TNNI3K: variants seen among roughly 807,000 people sequenced by gnomAD.
TNNI3K encodes TNNI3 interacting kinase.
In TNNI3K, 140 loss-of-function variants were observed where a neutral mutation model predicts 114.5. The ratio of observed to expected loss-of-function variants is 1.22; its 90% confidence interval spans 1.07 to 1.41. The LOEUF is 1.41. Ranked by LOEUF, TNNI3K falls within the 40% of genes most tolerant of loss-of-function variation. The pLI, the probability that TNNI3K is intolerant of heterozygous loss-of-function variation, is 0.00. For missense variants in TNNI3K, 1,125 were observed against 1,007.6 expected (o/e 1.12, Z -1.58); for synonymous variants, 347 against 347.5 (o/e 1.00, Z 0.02).
At chr1:74,504,275 A>G (rs536760609) in intron 23 of TNNI3K, among the ~76,000 whole-genome samples, 38 of 152,318 alleles carry the variant, frequency 2.5e-4, no homozygotes, top group Admixed American at 5.9e-4. Context: ...GATGTGGACT[A>G]AAGTAACCAT....
chr1:74,412,029 A>G (rs1236524850), intron 17 of TNNI3K, among the ~76,000 whole-genome samples: 1 of 152,200 alleles, frequency 6.6e-6, no homozygotes, highest in Non-Finnish European at 1.5e-5. Flanking sequence ...GCAATAAAGA[A>G]TCCTTCTTTA....
At position 74,464,994 on chromosome 1, in the gene TNNI3K, C is replaced by A. The variant is rs141313651; in HGVS notation, c.2121+1444C>A. Reference sequence around the variant, plus strand: ...CCAGAAAATTTCATCTTGAAAATTACATCACATAAAATAGTTTAGGAAAAC... The same window carrying A: ...CCAGAAAATTTCATCTTGAAAATTAAATCACATAAAATAGTTTAGGAAAAC... On this transcript the variant is annotated intron_variant, in intron 21 of 24. Coordinates refer to ENST00000326637, the MANE Select transcript of TNNI3K (RefSeq NM_015978.3). The A allele has an allele frequency of 1.5e-3, 1,742 of 1,191,642 alleles. 3 individuals carry two copies. Among genetic ancestry groups the A allele is most frequent in the Middle Eastern group, 3.7e-3 (11 of 2,976 alleles). The allele number at this position is 1,191,642 out of a possible 1,614,324, so 73.8% of individuals were successfully genotyped here. A position where few individuals can be genotyped will look rare whatever the true frequency, so the allele number is the denominator to read the frequency against.
chr1:74,413,733 G>A (rs1664993228), intron 17 of TNNI3K, among the ~76,000 whole-genome samples: 2 of 152,120 alleles, frequency 1.3e-5, no homozygotes, highest in African/African-American at 2.4e-5. Context: ...GTGTTTTAGT[G>A]TGCATCCAAA....
At chr1:74,466,422 G>A (rs1667683613) in intron 21 of TNNI3K, among the ~76,000 whole-genome samples, 1 of 152,132 alleles carries the variant, frequency 6.6e-6, no homozygotes, top group Non-Finnish European at 1.5e-5. Flanking sequence ...CAAGCAAAGA[G>A]TTGGGAAATG....
At chr1:74,283,720 C>G (rs1657152266) in intron 5 of TNNI3K, among the ~76,000 whole-genome samples, 2 of 152,126 alleles carry the variant, frequency 1.3e-5, no homozygotes, top group Non-Finnish European at 2.9e-5. Context: ...GTCAATCTTT[C>G]TATGCACTGA....
At chr1:74,297,659 A>G (rs1444555587) in intron 5 of TNNI3K, among the ~76,000 whole-genome samples, 2 of 152,106 alleles carry the variant, frequency 1.3e-5, no homozygotes, top group Non-Finnish European at 2.9e-5. Context: ...GGGGATACAG[A>G]TATCTCTTCA....
intron 4 of TNNI3K, among the ~76,000 whole-genome samples, chr1:74,269,051 T>C (rs1181440834): frequency 1.3e-5 from 2 of 151,932 alleles, no homozygotes; most frequent in Non-Finnish European, 2.9e-5. Context: ...TATCTGTCTT[T>C]CGACTTTTGC....
chr1:74,401,178 C>G (rs563524330), intron 17 of TNNI3K, among the ~76,000 whole-genome samples: 32 of 152,290 alleles, frequency 2.1e-4, no homozygotes, highest in Non-Finnish European at 3.8e-4. Flanking sequence ...ACATAGATAT[C>G]TTCCTATAAA....
chr1:74,309,782 C>A (rs1415468819), intron 5 of TNNI3K, among the ~76,000 whole-genome samples: 1 of 152,050 alleles, frequency 6.6e-6, no homozygotes, highest in Non-Finnish European at 1.5e-5. Context: ...AAATCCTCAA[C>A]AAATGAGGCA....
rs532299642 is a variant in TNNI3K, at chr1:74,396,369, A to C, written c.1772+25977A>C. On this transcript the variant is annotated intron_variant, in intron 17 of 24. Transcript: ENST00000326637. ...CCTCTTAGAGAAGTCCCTGTGGGAC[A>C]GGGAGAAGTTGGATTTGTGAGTGCA... is the stretch of plus-strand genomic sequence containing the variant. Among the ~76,000 whole-genome samples, 11 of 152,374 alleles carry C rather than the reference A, an allele frequency of 7.2e-5. No individual in the cohort carries two copies. In the South Asian group the frequency reaches 2.3e-3, roughly 32 times the overall value.
chr1:74,445,414 C>G (rs554282253), intron 20 of TNNI3K, among the ~76,000 whole-genome samples: 149 of 116,576 alleles, frequency 1.3e-3, no homozygotes, highest in African/African-American at 4.6e-3. Flanking sequence ...TATTCCCCTT[C>G]CTGTGTCCAT....
intron 4 of TNNI3K, among the ~76,000 whole-genome samples, chr1:74,261,940 G>T (rs1048509189): frequency 6.6e-6 from 1 of 152,080 alleles, no homozygotes; most frequent in Admixed American, 6.6e-5. Flanking sequence ...AACCTATGTT[G>T]CCTGGCTTAC....
In TNNI3K at chr1:74,456,295, G is replaced by A. The variant is rs537015772; in HGVS notation, c.2012-7146G>A. On this transcript the variant is annotated intron_variant, in intron 20 of 24. Coordinates refer to ENST00000326637, the MANE Select transcript of TNNI3K (RefSeq NM_015978.3). ...CTGGCTTAACCATCATGATAATGAT[G>A]GATACAAGAAAAGGAGCAGATTTAT... Among the ~76,000 whole-genome samples, 5 of 152,222 alleles carry A rather than the reference G, an allele frequency of 3.3e-5. No homozygotes were observed. The South Asian group carries it at 1.0e-3, about 32-fold the overall frequency.
At chr1:74,463,904 T>G (rs1667555082) in intron 21 of TNNI3K, among the ~76,000 whole-genome samples, 1 of 152,234 alleles carries the variant, frequency 6.6e-6, no homozygotes, top group East Asian at 1.9e-4. Context: ...TTGTGTTGGC[T>G]TTTAAACATG....
intron 6 of TNNI3K, among the ~76,000 whole-genome samples, chr1:74,335,348 C>T (rs75482918): frequency 1.1e-4 from 16 of 152,258 alleles, no homozygotes; most frequent in African/African-American, 1.7e-4. Context: ...TTACCCCTCA[C>T]GTTAACAACA....
chr1:74,344,512 AACT>A (rs1660900088), intron 9 of TNNI3K, among the ~76,000 whole-genome samples: 1 of 152,158 alleles, frequency 6.6e-6, no homozygotes, highest in Non-Finnish European at 1.5e-5. Context: ...CAGATGCAAG[AACT>A]CCTTAGATCA....
intron 23 of TNNI3K, among the ~76,000 whole-genome samples, chr1:74,520,184 A>G (rs1646410776): frequency 6.6e-6 from 1 of 151,634 alleles, no homozygotes; most frequent in Non-Finnish European, 1.5e-5. Flanking sequence ...CACAAAGTCC[A>G]TAGTGTCATT....
intron 7 of TNNI3K, among the ~76,000 whole-genome samples, chr1:74,341,214 A>T (rs1660730881): frequency 6.6e-6 from 1 of 152,196 alleles, no homozygotes; most frequent in Admixed American, 6.6e-5. Context: ...TCAGGACTGT[A>T]ATTATTGACT....
intron 4 of TNNI3K, among the ~76,000 whole-genome samples, chr1:74,262,445 A>G (rs1378839100): frequency 6.6e-6 from 1 of 152,024 alleles, no homozygotes; most frequent in Non-Finnish European, 1.5e-5. Flanking sequence ...TTAAATCTTA[A>G]TTACCTTTAT....
Sources: allele counts gnomAD v4.1 joint callset (sites outside exome capture counted in the v4.1 genomes callset), GRCh38; gene constraint gnomAD v4.1.1; transcripts MANE v1.5; gene names NCBI Gene and HGNC (gene_info 2026-07-23, HGNC 2026-07-21).